The following GAS2L3 variants were observed in gnomAD, a reference collection of about 807,000 sequenced individuals.
The protein encoded by GAS2L3 is GAS2-like protein 3.
In GAS2L3, 28 loss-of-function variants were observed where a neutral mutation model predicts 37.0. That is an observed-to-expected ratio of 0.76 (90% CI 0.56 to 1.04). The LOEUF (loss-of-function observed/expected upper bound fraction) is 1.04. Ranked by LOEUF, GAS2L3 falls within the 50% of genes least tolerant of loss-of-function variation. The pLI is 0.00. For missense variants in GAS2L3, 793 were observed against 817.6 expected, an observed-to-expected ratio of 0.97 and a Z score of 0.37; for synonymous variants, 290 against 296.6, an observed-to-expected ratio of 0.98 and a Z score of 0.23.
chr12:100,576,852 G>T (rs1304068062), intron 1 of GAS2L3, among the ~76,000 whole-genome samples: 1 of 152,176 alleles, frequency 6.6e-6, no homozygotes, highest in East Asian at 1.9e-4. Context: ...TACTAAATGT[G>T]ATGTCATCTT....
chr12:100,619,209 G>C (rs534571084), intron 8 of GAS2L3, among the ~76,000 whole-genome samples: 1 of 149,248 alleles, frequency 6.7e-6, no homozygotes, highest in Non-Finnish European at 1.5e-5. Context: ...TTTTTTTTTT[G>C]AGCATTCTCT....
Position 100,624,039 on chromosome 12 carries a change from G to A in GAS2L3, c.1234G>A (p.Val412Ile), listed in dbSNP as rs373977944. ...ATCTTCACTTGCTTCATTAAATCCA[G>A]TAGGTAAAAACACTTCTTCACCAGC... ...ASSSLASLNPVGKNTSSPALP... is the reference protein window; with the variant it reads ...ASSSLASLNPIGKNTSSPALP... The change falls in exon 10 of 10, where the codon GTA (valine) becomes ATA (isoleucine). Residue 412 changes from valine (V) to isoleucine (I), a missense_variant. Val to Ile is a conservative substitution (Grantham distance 29, BLOSUM62 3). Coordinates refer to ENST00000547754, the MANE Select transcript of GAS2L3 (RefSeq NM_174942.3). 2.5e-6 allele frequency: 4 copies of A among 1,613,872 alleles called. No homozygotes were observed. In the African/African-American group the frequency reaches 5.3e-5, roughly 22 times the overall value.
chr12:100,589,420 T>C (rs765109490), intron 1 of GAS2L3, among the ~76,000 whole-genome samples: 2 of 151,928 alleles, frequency 1.3e-5, no homozygotes, highest in Non-Finnish European at 2.9e-5. Flanking sequence ...AAACAAATCA[T>C]AGACAACATG....
chr12:100,624,195 A>C lies in GAS2L3; in HGVS notation c.1390A>C (p.Lys464Gln). The C allele has an allele frequency of 3.1e-6, 5 of 1,614,046 alleles. No homozygotes were observed. The highest frequency in any genetic ancestry group is 4.2e-6 in the Non-Finnish European group (5 of 1,180,012). ...GCCCGAGTCCACACTTTTGCCAAAT[A>C]AGTGTTCAGGAAAAACTCAACCTAA... ...DLPESTLLPN[K>Q]CSGKTQPKYL... The change falls in exon 10 of 10, where the codon AAG (lysine) becomes CAG (glutamine). Residue 464 changes from lysine to glutamine, a missense_variant. Physicochemically the swap from Lys to Gln is moderately conservative, Grantham distance 53. Coordinates refer to ENST00000547754, the MANE Select transcript of GAS2L3 (RefSeq NM_174942.3).
intron 2 of GAS2L3, 106 bp downstream of exon 2, chr12:100,591,962 T>G (rs546650477): frequency 2.0e-5 from 3 of 152,294 alleles, no homozygotes; most frequent in African/African-American, 7.2e-5. Context: ...AACTCAAAAT[T>G]TTAAAGCTAA....
At chr12:100,580,433 A>G (rs1565795863) in intron 1 of GAS2L3, among the ~76,000 whole-genome samples, 1 of 152,246 alleles carries the variant, frequency 6.6e-6, no homozygotes, top group South Asian at 2.1e-4. Context: ...CATTTAAACC[A>G]TTCAGGTATT....
chr12:100,592,798 C>T (rs952472168), intron 2 of GAS2L3, among the ~76,000 whole-genome samples: 2 of 151,822 alleles, frequency 1.3e-5, no homozygotes, highest in Non-Finnish European at 2.9e-5. Flanking sequence ...CTTCCCTCAC[C>T]CTCGCGAAAT....
chr12:100,576,044 T>C (rs1472560682), intron 1 of GAS2L3, among the ~76,000 whole-genome samples: 5 of 152,130 alleles, frequency 3.3e-5, no homozygotes, highest in Non-Finnish European at 5.9e-5. Flanking sequence ...AAGAATAGTG[T>C]CAACAAAATG....
At chr12:100,600,735 A>T (rs1955977767) in intron 4 of GAS2L3, among the ~76,000 whole-genome samples, 185 bp downstream of exon 4, 1 of 152,200 alleles carries the variant, frequency 6.6e-6, no homozygotes, top group South Asian at 2.1e-4. Flanking sequence ...TTCACCCTGA[A>T]CCTTGGGTCT....
At chr12:100,621,900 A>G (rs1162112467) in intron 8 of GAS2L3, among the ~76,000 whole-genome samples, 1 of 150,308 alleles carries the variant, frequency 6.7e-6, no homozygotes, top group African/African-American at 2.5e-5. Flanking sequence ...AGAGAGAGAG[A>G]GAGAGAGAAA....
At chr12:100,609,526 C>T (rs1484955781) in intron 5 of GAS2L3, among the ~76,000 whole-genome samples, 1 of 152,084 alleles carries the variant, frequency 6.6e-6, no homozygotes, top group Admixed American at 6.5e-5. Flanking sequence ...TACAAGCACA[C>T]GCTTAGCCAC....
At chr12:100,586,437 CTG>C (rs923374015) in intron 1 of GAS2L3, among the ~76,000 whole-genome samples, 2 of 152,194 alleles carry the variant, frequency 1.3e-5, no homozygotes, top group Admixed American at 6.5e-5. Flanking sequence ...ACCTTCAAAA[CTG>C]TGCAAACACA....
chr12:100,583,741 T>A (rs1007153924), intron 1 of GAS2L3, among the ~76,000 whole-genome samples: 1 of 152,150 alleles, frequency 6.6e-6, no homozygotes, highest in Non-Finnish European at 1.5e-5. Context: ...AGTGCTGGGA[T>A]TACAGGCATT....
chr12:100,590,417 A>G (rs1593166062), intron 1 of GAS2L3, among the ~76,000 whole-genome samples: 1 of 152,198 alleles, frequency 6.6e-6, no homozygotes, highest in African/African-American at 2.4e-5. Context: ...TCAAAAAACA[A>G]TAGATGTTGG....
intron 4 of GAS2L3, 72 bp from the exon 5 acceptor site, chr12:100,601,566 T>A: frequency 1.3e-6 from 1 of 766,820 alleles, no homozygotes; most frequent in Admixed American, 1.9e-5. Flanking sequence ...GTAATCTGAT[T>A]CTATTTAATT....
rs1215872190 is a variant in GAS2L3 at position 100,626,703 on chromosome 12, A to G, written c.*1813A>G. ...TTTATGAATCCTAGTAGATTTTACA[A>G]TATGTAATTTATGTTGTTTACAGTA... is the stretch of plus-strand genomic sequence containing the variant. On this transcript the variant is annotated 3_prime_UTR_variant, in exon 10 of 10. Coordinates refer to ENST00000547754, the MANE Select transcript of GAS2L3 (RefSeq NM_174942.3). 6.6e-6 allele frequency: 1 copy of G among 152,200 alleles called. No individual in the cohort carries two copies. Among genetic ancestry groups the G allele is most frequent in the Non-Finnish European group, 1.5e-5 (1 of 68,024 alleles). The allele number at this position is 152,200 out of a possible 1,614,324, so 9.4% of individuals were successfully genotyped here.
rs1027720895 is a variant in GAS2L3 at position 100,626,233 on chromosome 12, A to G, written c.*1343A>G. 9 of 152,246 alleles carry G rather than the reference A, an allele frequency of 5.9e-5. No homozygotes were observed. Among genetic ancestry groups the G allele is most frequent in the Admixed American group, 5.9e-4 (9 of 15,286 alleles). The allele number at this position is 152,246 out of a possible 1,614,324, so 9.4% of individuals were successfully genotyped here. ...TAAAATGTGTTTTCTGAAGAAAAAA[A>G]TAATAGTTTACACAAATGTACAATC... On this transcript the variant is annotated 3_prime_UTR_variant, in exon 10 of 10. Coordinates refer to ENST00000547754, the MANE Select transcript of GAS2L3 (RefSeq NM_174942.3).
intron 5 of GAS2L3, among the ~76,000 whole-genome samples, chr12:100,604,347 T>C (rs1051969415): frequency 6.6e-6 from 1 of 152,000 alleles, no homozygotes; most frequent in Admixed American, 6.6e-5. Flanking sequence ...TTAATTTTAT[T>C]TGTGACTGCT....
intron 1 of GAS2L3, among the ~76,000 whole-genome samples, chr12:100,576,636 ATGCTTCAGAAG>A (rs988895182): frequency 1.3e-5 from 2 of 152,314 alleles, no homozygotes; most frequent in East Asian, 3.9e-4. Context: ...TCACAGAGAA[ATGCTTCAGAAG>A]TAATGTTTAT....
Sources: allele counts gnomAD v4.1 joint callset (sites outside exome capture counted in the v4.1 genomes callset), GRCh38; gene constraint gnomAD v4.1.1; transcripts MANE v1.5; gene names NCBI Gene and HGNC (gene_info 2026-07-23, HGNC 2026-07-21).